Variants in PCNX3 observed in about 807,000 individuals in gnomAD.
PCNX3 encodes pecanex-like protein 3.
Under a neutral mutation model 207.2 loss-of-function variants are expected in PCNX3, and 58 were observed. The ratio of observed to expected loss-of-function variants is 0.28; its 90% CI spans 0.23 to 0.35. The LOEUF (loss-of-function observed/expected upper bound fraction) is 0.35, where lower values mean the gene tolerates loss of function less well. Among genes scored for constraint, PCNX3 ranks in the 10% least tolerant of loss-of-function variants. The probability of loss-of-function intolerance (pLI) is 1.00; values close to 1 mark genes in which losing one functional copy is unlikely to be tolerated. For synonymous variants in PCNX3, 1,337 were observed against 1,183.5 expected, an observed-to-expected ratio of 1.13 and a Z score of -2.66; for missense variants, 2,410 against 2,774.4, an observed-to-expected ratio of 0.87 and a Z score of 2.95.
In PCNX3 at chr11:65,626,342, G is replaced by T. The variant is rs566692660; in HGVS notation, c.3379+288G>T. 1.6e-4 allele frequency: 96 copies of T among 607,196 alleles called. 1 individual carries two copies. Among genetic ancestry groups the T allele is most frequent in the South Asian group, 1.4e-3 (93 of 65,758 alleles). 37.6% of individuals were successfully genotyped at this position (607,196 alleles called of 1,614,324 possible). A position where few individuals can be genotyped will look rare whatever the true frequency, so the allele number is the denominator to read the frequency against. The stretch of plus-strand genomic sequence containing the variant: ...GAATTAGAACCCCAGGGCCCTGAAG[G>T]GATCTCTTGTCCAGAATTAAACACT... On this transcript the variant is annotated intron_variant, in intron 20 of 34. Coordinates refer to ENST00000355703, the MANE Select transcript of PCNX3 (RefSeq NM_032223.4).
rs756397032 is a variant in PCNX3, at chr11:65,616,873, C to T, written c.203C>T (p.Ala68Val). 15 of 1,613,550 alleles carry T rather than the reference C, an allele frequency of 9.3e-6. No homozygotes were observed. Among genetic ancestry groups the T allele is most frequent in the East Asian group, 2.2e-5 (1 of 44,902 alleles). ...MVAGVYCLVV[A>V]VIFATIKTVN... is the part of the protein sequence containing the mutation. ...GCCGGCGTGTACTGCCTCGTGGTGG[C>T]TGTCATCTTTGCTACTATCAAGACT... Residue 68 changes from alanine to valine, a missense_variant, in exon 2 of 35, where the codon GCT becomes GTT. Physicochemically the swap from Ala to Val is moderately conservative, Grantham distance 64. Coordinates refer to ENST00000355703, the MANE Select transcript of PCNX3 (RefSeq NM_032223.4).
rs755263578 is a variant in PCNX3, at chr11:65,618,419, G to T, written c.1057G>T (p.Val353Phe). Residue 353 changes from valine (V) to phenylalanine (F), a missense_variant, in exon 6 of 35, where the codon GTC becomes TTC. Physicochemically the swap from Val to Phe is conservative, Grantham distance 50. This residue lies in a region of PCNX3 where 1,104 missense variants were observed against 970.3 expected (regional missense o/e 1.14). Transcript: ENST00000355703. ...AELPASPDAG[V>F]PSDDTLRSFD... ...GCTGCCTGCCTCACCAGACGCCGGG[G>T]TCCCCTCAGATGACACGCTGCGTTC... The T allele has an allele frequency of 6.2e-7, 1 of 1,612,328 alleles. No homozygotes were observed. Among genetic ancestry groups the T allele is most frequent in the African/African-American group, 1.3e-5 (1 of 74,926 alleles).
rs759477743 is a variant in PCNX3, at chr11:65,636,894, T to C, written c.6021T>C (p.Pro2007=). 68 of 1,554,380 alleles carry C rather than the reference T, an allele frequency of 4.4e-5. No homozygotes were observed. The African/African-American group carries it at 7.9e-4, about 18-fold the overall frequency. ...GCAGTGCCCCTGAGAGTGGCACACC[T>C]ATGGGTGCCCTGGGCGACTGGCCTG... ...LDSSAPESGT[P]MGALGDWPAP... Residue 2007 remains proline (P), a synonymous_variant, in exon 35 of 35, where the codon CCT becomes CCC. Coordinates refer to ENST00000355703, the MANE Select transcript of PCNX3 (RefSeq NM_032223.4).
Position 65,636,569 on chromosome 11 carries a change from G to C in PCNX3, c.5772G>C (p.Pro1924=), listed in dbSNP as rs369985737. Residue 1924 remains proline, a synonymous_variant, in exon 34 of 35, where the codon CCG becomes CCC. Transcript: ENST00000355703. ...CCCGGACCTCACGGCCCCCTGGCCCGGGTCTCCTCAGTTCTGAGGGCCCCA... is the reference window on the plus strand; with the variant it reads ...CCCGGACCTCACGGCCCCCTGGCCCCGGTCTCCTCAGTTCTGAGGGCCCCA... ...EGPRTSRPPG[P]GLLSSEGPSG... is the part of the protein sequence containing the mutation. 6.3e-7 allele frequency: 1 copy of C among 1,594,800 alleles called. No homozygotes were observed. The highest frequency in any genetic ancestry group is 1.4e-5 in the African/African-American group (1 of 73,854).
chr11:65,628,954 T>C lies in PCNX3; in HGVS notation c.3941+6T>C. ...TTCTGGGAGCGCGACTACAAGTGAG[T>C]CTCACAGGAGGCGGGAGCATGCCCA... On this transcript the variant is annotated splice_donor_region_variant and intron_variant, in intron 24 of 34. Transcript: ENST00000355703. 1 of 1,610,688 alleles carries C rather than the reference T, an allele frequency of 6.2e-7. No homozygotes were observed. The highest frequency in any genetic ancestry group is 8.5e-7 in the Non-Finnish European group (1 of 1,179,682).
rs1854723455 is a variant in PCNX3 at position 65,616,304 on chromosome 11, G to T, written c.-8G>T. The T allele has an allele frequency of 1.3e-6, 2 of 1,568,734 alleles. No individual in the cohort carries two copies. The highest frequency in any genetic ancestry group is 1.8e-5 in the Admixed American group (1 of 55,552). On this transcript the variant is annotated 5_prime_UTR_variant, in exon 1 of 35. Transcript: ENST00000355703. The stretch of plus-strand genomic sequence containing the variant: ...GGGAGGGGGGGCGCGGGCAGCAGCG[G>T]CGGGGCCATGGGGTCGCAGGTGTTG...
chr11:65,619,952 G>T lies in PCNX3; in HGVS notation c.2008+20G>T, dbSNP rs749853594. 3 of 1,584,348 alleles carry T rather than the reference G, an allele frequency of 1.9e-6. No homozygotes were observed. The highest frequency in any genetic ancestry group is 2.3e-5 in the East Asian group (1 of 44,346). On this transcript the variant is annotated intron_variant, in intron 8 of 34. Transcript: ENST00000355703. Reference sequence around the variant, plus strand: ...AGAGCGGTGAGCCTTTCCCAAGCCCGGTGGCCCAGTGCCTCCCCGCCTTCC... The same window carrying T: ...AGAGCGGTGAGCCTTTCCCAAGCCCTGTGGCCCAGTGCCTCCCCGCCTTCC...
chr11:65,619,427 C>T (rs1277616720), intron 6 of PCNX3, 110 bp from the exon 7 acceptor site: 21 of 1,485,678 alleles, frequency 1.4e-5, no homozygotes, highest in African/African-American at 9.7e-5. Context: ...AGAGCCGGGG[C>T]GTGGTTGTAC....
intron 2 of PCNX3, 75 bp downstream of exon 2, chr11:65,617,086 G>C (rs1854776162): frequency 1.4e-6 from 2 of 1,468,216 alleles, no homozygotes. Context: ...GGTGGAGTAG[G>C]GGCTTAGGGA....
At chr11:65,633,311 C>T (rs920579314) in intron 27 of PCNX3, among the ~76,000 whole-genome samples, 2 of 152,224 alleles carry the variant, frequency 1.3e-5, no homozygotes, top group Non-Finnish European at 2.9e-5. Context: ...AACAAGAGGT[C>T]CAGGAGCCCC....
intron 20 of PCNX3, chr11:65,626,394 G>A: frequency 2.0e-6 from 1 of 500,506 alleles, no homozygotes; most frequent in Non-Finnish European, 3.8e-6. Context: ...GAGCTGCCTG[G>A]AGCACATCTT....
Position 65,618,258 on chromosome 11 carries a change from A to G in PCNX3, c.896A>G (p.Asp299Gly). The change falls in exon 6 of 35, where the codon GAC (aspartate) becomes GGC (glycine). Residue 299 changes from aspartate to glycine, a missense_variant. Transcript: ENST00000355703. ...ACGCCCCAGAAAGCCGGCTCCTCAG[A>G]CTCCTGCTTCAGCGGCACTGACAGG... ...EPTPQKAGSS[D>G]SCFSGTDRET... is the part of the protein sequence containing the mutation. 2 of 1,609,586 alleles carry G rather than the reference A, an allele frequency of 1.2e-6. No homozygotes were observed. Among genetic ancestry groups the G allele is most frequent in the Non-Finnish European group, 1.7e-6 (2 of 1,177,916 alleles).
At chr11:65,629,234 A>G in intron 24 of PCNX3, 123 bp from the exon 25 acceptor site, 1 of 1,079,834 alleles carries the variant, frequency 9.3e-7, no homozygotes, top group Non-Finnish European at 1.4e-6. Flanking sequence ...CAGTCTCCTC[A>G]TCTGCCTGCA....
At position 65,619,523 on chromosome 11, in the gene PCNX3, C is replaced by T. The variant is rs1353482710; in HGVS notation, c.1706-14C>T. ...GCATCTGTCACTTACACTTGGGGGC[C>T]TCTCTCTGGGCAGCGGCCGAGGAGA... is the stretch of plus-strand genomic sequence containing the variant. On this transcript the variant is annotated splice_polypyrimidine_tract_variant and intron_variant, in intron 6 of 34. Coordinates refer to ENST00000355703, the MANE Select transcript of PCNX3 (RefSeq NM_032223.4). 1.9e-6 allele frequency: 3 copies of T among 1,610,718 alleles called. No individual in the cohort carries two copies. Among genetic ancestry groups the T allele is most frequent in the Non-Finnish European group, 2.5e-6 (3 of 1,179,218 alleles).
intron 22 of PCNX3, 85 bp downstream of exon 22, chr11:65,627,667 AG>A: frequency 4.0e-6 from 6 of 1,506,578 alleles, no homozygotes; most frequent in Non-Finnish European, 5.5e-6. Context: ...GAATTTCCTG[AG>A]GGCCTGTGGC....
rs779883983 is a variant in PCNX3 at position 65,617,018 on chromosome 11, G to C, written c.341+7G>C. 2 of 1,602,060 alleles carry C rather than the reference G, an allele frequency of 1.2e-6. No homozygotes were observed. The highest frequency in any genetic ancestry group is 1.7e-5 in the Admixed American group (1 of 58,170). On this transcript the variant is annotated splice_region_variant and intron_variant, in intron 2 of 34. Transcript: ENST00000355703. ...GGGACAGCAATCCACCCAGGTGGGT[G>C]GGGTAGGGGCTGTGCTGGGGATTGA...
chr11:65,618,624 A>T lies in PCNX3; in HGVS notation c.1262A>T (p.Asp421Val). The T allele has an allele frequency of 1.2e-6, 2 of 1,612,796 alleles. No homozygotes were observed. The highest frequency in any genetic ancestry group is 8.5e-7 in the Non-Finnish European group (1 of 1,179,806). Residue 421 changes from aspartate (D) to valine (V), a missense_variant, in exon 6 of 35, where the codon GAT becomes GTT. Around this residue, in one of 8 missense-constraint regions of PCNX3, gnomAD observed 1,104 missense variants for 970.3 expected, o/e 1.14. Transcript: ENST00000355703. ...PLLEGGGFFE[D>V]EDTSEGSELS... ...CTTGAAGGTGGGGGCTTCTTTGAGG[A>T]TGAAGACACTAGTGAGGGCAGTGAA...
chr11:65,616,438 C>T lies in PCNX3; in HGVS notation c.127C>T (p.Leu43Phe), dbSNP rs762803480. The change falls in exon 1 of 35, where the codon CTC becomes TTC. Residue 43 changes from leucine to phenylalanine, a missense_variant. Physicochemically the swap from Leu to Phe is conservative, Grantham distance 22. Around this residue, in one of 8 missense-constraint regions of PCNX3, gnomAD observed 1,104 missense variants for 970.3 expected, o/e 1.14. Coordinates refer to ENST00000355703, the MANE Select transcript of PCNX3 (RefSeq NM_032223.4). ...CCACCTCTATGTCTGGATCTTCCTG[C>T]TCATCTTTCCCTTCTTACTGTACAT... is the stretch of plus-strand genomic sequence containing the variant. ...CFHLYVWIFL[L>F]IFPFLLYMVL... The T allele has an allele frequency of 6.8e-6, 11 of 1,609,014 alleles. No homozygotes were observed. Among genetic ancestry groups the T allele is most frequent in the South Asian group, 3.3e-5 (3 of 90,812 alleles).
intron 1 of PCNX3, 71 bp downstream of exon 1, chr11:65,616,535 G>T: frequency 2.0e-6 from 3 of 1,497,380 alleles, no homozygotes; most frequent in Non-Finnish European, 2.7e-6. Flanking sequence ...TCAGGGCAGT[G>T]CCCTGGGCTC....
Sources: allele counts gnomAD v4.1 joint callset (sites outside exome capture counted in the v4.1 genomes callset), GRCh38; gene constraint gnomAD v4.1.1; regional missense constraint gnomAD v4.1.1; transcripts MANE v1.5; gene names NCBI Gene and HGNC (gene_info 2026-07-23, HGNC 2026-07-21).